TUBGCP2: variants seen among roughly 807,000 people sequenced by gnomAD.
The protein encoded by TUBGCP2 is gamma-tubulin complex component 2.
Under a neutral mutation model 92.2 loss-of-function variants are expected in TUBGCP2, and 55 were observed. The ratio of observed to expected loss-of-function variants is 0.60; its 90% confidence interval spans 0.48 to 0.75. TUBGCP2 has a LOEUF of 0.75. Ranked by LOEUF, TUBGCP2 falls within the 30% of genes least tolerant of loss-of-function variation. The probability of loss-of-function intolerance (pLI) is 0.00; values close to 1 mark genes in which losing one functional copy is unlikely to be tolerated. For synonymous variants in TUBGCP2, 533 were observed against 505.2 expected, an observed-to-expected ratio of 1.06 and a Z score of -0.74; for missense variants, 1,093 against 1,188.9, an observed-to-expected ratio of 0.92 and a Z score of 1.19.
In TUBGCP2 at chr10:133,285,183, G is replaced by C; in HGVS notation, c.1926C>G (p.Phe642Leu). The change falls in exon 13 of 18, where the codon TTC becomes TTG. Residue 642 changes from phenylalanine to leucine, a missense_variant. Physicochemically the swap from Phe to Leu is conservative, Grantham distance 22. Coordinates refer to ENST00000252936, the MANE Select transcript of TUBGCP2 (RefSeq NM_006659.4). This position sits in a 1 kb window ranked among gnomAD's most constrained non-coding sequence, Gnocchi z 6.8. ...CGTGCTTGCAGTAGAACATGTGCCT[G>C]AAGAGCATCTGGTAGCGAGTGAGGG... ...RKALTRYQML[F>L]RHMFYCKHVE... is the part of the protein sequence containing the mutation. 6.2e-7 allele frequency: 1 copy of C among 1,613,290 alleles called. No homozygotes were observed. Among genetic ancestry groups the C allele is most frequent in the African/African-American group, 1.3e-5 (1 of 75,074 alleles).
In TUBGCP2 at chr10:133,283,092, T is replaced by C; in HGVS notation, c.2275A>G (p.Thr759Ala). ...SKLMSVCVMF[T>A]NCMQKFTQSM... ...CACCCACGCACCTGCATGCAGTTGGTGAACATGACGCACACAGACATGAGC... is the reference window on the plus strand; with the variant it reads ...CACCCACGCACCTGCATGCAGTTGGCGAACATGACGCACACAGACATGAGC... Residue 759 changes from threonine (T) to alanine (A), a missense_variant, in exon 15 of 18, where the codon ACC becomes GCC. Physicochemically the swap from Thr to Ala is moderately conservative, Grantham distance 58. Around this residue, in one of 3 missense-constraint regions of TUBGCP2, gnomAD observed 598 missense variants for 675.5 expected, o/e 0.89. Coordinates refer to ENST00000252936, the MANE Select transcript of TUBGCP2 (RefSeq NM_006659.4). 1 of 1,614,192 alleles carries C rather than the reference T, an allele frequency of 6.2e-7. No individual in the cohort carries two copies. The highest frequency in any genetic ancestry group is 8.5e-7 in the Non-Finnish European group (1 of 1,180,022).
At chr10:133,282,899 G>A (rs1055833870) in intron 15 of TUBGCP2, among the ~76,000 whole-genome samples, 179 bp downstream of exon 15, 3 of 152,206 alleles carry the variant, frequency 2.0e-5, no homozygotes, top group African/African-American at 7.2e-5. Context: ...CAGGGCAGGG[G>A]CTCCAGGAGG....
chr10:133,288,227 G>C lies in TUBGCP2; in HGVS notation c.1624C>G (p.Pro542Ala). The change falls in exon 11 of 18, where the codon CCG becomes GCG. Residue 542 changes from proline to alanine, a missense_variant. This residue lies in a region of TUBGCP2 where 598 missense variants were observed against 675.5 expected (regional missense o/e 0.89). Transcript: ENST00000252936. ...CGAGGGGGCGTGATGTCCTCCACCGGCTTCCGGAGCTCCTCCTCCGCGAGG... is the reference window on the plus strand; with the variant it reads ...CGAGGGGGCGTGATGTCCTCCACCGCCTTCCGGAGCTCCTCCTCCGCGAGG... ...MDLAEEELRK[P>A]VEDITPPRLE... 1 of 1,613,836 alleles carries C rather than the reference G, an allele frequency of 6.2e-7. No individual in the cohort carries two copies. Among genetic ancestry groups the C allele is most frequent in the Non-Finnish European group, 8.5e-7 (1 of 1,179,968 alleles).
intron 11 of TUBGCP2, 145 bp downstream of exon 11, chr10:133,287,984 C>T: frequency 8.5e-7 from 1 of 1,171,890 alleles, no homozygotes; most frequent in Non-Finnish European, 1.1e-6. Context: ...GGCAAGCCGG[C>T]CCCGGTAGCC....
intron 2 of TUBGCP2, chr10:133,302,379 G>A (rs944517400): frequency 5.7e-5 from 14 of 245,548 alleles, no homozygotes; most frequent in Admixed American, 1.5e-4. Flanking sequence ...CCCTGCACCA[G>A]AGGTGGCGCT....
intron 2 of TUBGCP2, among the ~76,000 whole-genome samples, chr10:133,300,761 C>A (rs922241315): frequency 2.0e-5 from 3 of 152,134 alleles, no homozygotes; most frequent in Non-Finnish European, 4.4e-5. Context: ...GGTGTGAGCC[C>A]CTGCGCCCGC....
chr10:133,284,951 T>C (rs1847092332), intron 13 of TUBGCP2, 134 bp downstream of exon 13: 2 of 1,338,282 alleles, frequency 1.5e-6, no homozygotes, highest in Non-Finnish European at 2.0e-6. Flanking sequence ...GCCACCAACG[T>C]GCGCTTCCAG....
At chr10:133,280,531 G>A (rs1846940393) in intron 17 of TUBGCP2, among the ~76,000 whole-genome samples, 1 of 152,352 alleles carries the variant, frequency 6.6e-6, no homozygotes, top group Non-Finnish European at 1.5e-5. Flanking sequence ...CATGAGGGAA[G>A]CTGACCCAGG....
In TUBGCP2 at chr10:133,285,061, T is replaced by C. The variant is rs1286762132; in HGVS notation, c.2024+24A>G. The C allele has an allele frequency of 1.3e-6, 2 of 1,584,478 alleles. No individual in the cohort carries two copies. Among genetic ancestry groups the C allele is most frequent in the Non-Finnish European group, 1.7e-6 (2 of 1,161,558 alleles). ...CAGCGAGCGCTGCTTCAGGAGGGCA[T>C]GCGGGGGCAGAGGAAGAACGCACCA... On this transcript the variant is annotated intron_variant, in intron 13 of 17. Transcript: ENST00000252936. The surrounding 1 kb of genome is among the most constrained non-coding windows in gnomAD (Gnocchi z 6.8).
At chr10:133,294,942 G>C (rs150655319) in intron 5 of TUBGCP2, among the ~76,000 whole-genome samples, 185 of 152,290 alleles carry the variant, frequency 1.2e-3, no homozygotes, top group Non-Finnish European at 2.2e-3. Flanking sequence ...TAAAGGAGTG[G>C]GTGTGGCTTG....
intron 10 of TUBGCP2, 94 bp downstream of exon 10, chr10:133,288,746 G>T: frequency 7.3e-7 from 1 of 1,372,334 alleles, no homozygotes; most frequent in Non-Finnish European, 9.8e-7. Flanking sequence ...AGGCGGAGCT[G>T]CCAGAAGAAA....
At chr10:133,301,285 G>A (rs937045535) in intron 2 of TUBGCP2, among the ~76,000 whole-genome samples, 2 of 152,062 alleles carry the variant, frequency 1.3e-5, no homozygotes, top group East Asian at 1.9e-4. Flanking sequence ...GCACCACCAC[G>A]CCCTAATTTT....
At chr10:133,292,808 T>C in intron 7 of TUBGCP2, 120 bp from the exon 8 acceptor site, 8 of 1,283,448 alleles carry the variant, frequency 6.2e-6, no homozygotes, top group Non-Finnish European at 8.5e-6. Context: ...GCTGCTTCTT[T>C]GGGATACGTA....
At chr10:133,302,428 A>C (rs1251737369) in intron 2 of TUBGCP2, 8 of 298,716 alleles carry the variant, frequency 2.7e-5, no homozygotes, top group East Asian at 8.3e-5. Flanking sequence ...CTCACCCTGC[A>C]CCCTGCACCA....
chr10:133,290,618 C>G (rs1289545252), intron 8 of TUBGCP2: 1 of 152,000 alleles, frequency 6.6e-6, no homozygotes, highest in Non-Finnish European at 1.5e-5. Flanking sequence ...ACTGATTTGT[C>G]TTTATCTGCA....
upstream of TUBGCP2, chr10:133,309,064 G>T: frequency 7.7e-7 from 1 of 1,291,978 alleles, no homozygotes; most frequent in Non-Finnish European, 9.9e-7. Context: ...TGCGCGCCCC[G>T]TGCGCTTCCC....
chr10:133,287,676 G>C lies in TUBGCP2; in HGVS notation c.1722+453C>G, dbSNP rs1242912632. On this transcript the variant is annotated intron_variant, in intron 11 of 17. Coordinates refer to ENST00000252936, the MANE Select transcript of TUBGCP2 (RefSeq NM_006659.4). The stretch of plus-strand genomic sequence containing the variant: ...GCATCACTTGAACCCAGGAGGTGGA[G>C]GCTGCAGTGAGCTGAGATCATGCCA... 4.0e-5 allele frequency among the ~76,000 whole-genome samples: 6 copies of C among 151,882 alleles called. No individual in the cohort carries two copies. In the South Asian group the frequency reaches 8.3e-4, roughly 21 times the overall value.
intron 2 of TUBGCP2, among the ~76,000 whole-genome samples, chr10:133,300,767 C>T (rs757380046): frequency 2.0e-5 from 3 of 152,250 alleles, no homozygotes; most frequent in African/African-American, 7.2e-5. Context: ...AGCCCCTGCG[C>T]CCGCCCTTTT....
rs1445663737 is a variant in TUBGCP2 at position 133,279,540 on chromosome 10, CA to C, written c.*225del. ...ACCCAAAAAGGTGATAGTGTAATTT[CA>C]AAAAGCAAACAGATTAGCAAATCCA... On this transcript the variant is annotated 3_prime_UTR_variant, in exon 18 of 18. Coordinates refer to ENST00000252936, the MANE Select transcript of TUBGCP2 (RefSeq NM_006659.4). 1.6e-6 allele frequency: 1 copy of C among 639,856 alleles called. No individual in the cohort carries two copies. Among genetic ancestry groups the C allele is most frequent in the Non-Finnish European group, 2.5e-6 (1 of 406,706 alleles). The allele number at this position is 639,856 out of a possible 1,614,324, so 39.6% of individuals were successfully genotyped here.
Sources: allele counts gnomAD v4.1 joint callset (sites outside exome capture counted in the v4.1 genomes callset), GRCh38; gene constraint gnomAD v4.1.1; regional missense constraint gnomAD v4.1.1; non-coding constraint Gnocchi (gnomAD v3.1); transcripts MANE v1.5; gene names NCBI Gene and HGNC (gene_info 2026-07-23, HGNC 2026-07-21).